ASIC2: variants seen among roughly 807,000 people sequenced by gnomAD.
The protein encoded by ASIC2 is acid-sensing ion channel 2.
A neutral mutation model predicts 57.3 loss-of-function variants in ASIC2; 25 were observed. The ratio of observed to expected loss-of-function variants is 0.44; its 90% CI spans 0.32 to 0.61. The LOEUF (loss-of-function observed/expected upper bound fraction) is 0.61, where lower values mean the gene tolerates loss of function less well. ASIC2 is among the 20% of genes least tolerant of loss of function. The probability of loss-of-function intolerance (pLI) is 0.06; values close to 1 mark genes in which losing one functional copy is unlikely to be tolerated. For missense variants in ASIC2, 641 were observed against 738.1 expected (o/e 0.87, Z 1.52); for synonymous variants, 319 against 307.5 (o/e 1.04, Z -0.39).
intron 1 of ASIC2, among the ~76,000 whole-genome samples, chr17:33,736,725 A>G (rs757284560): frequency 6.6e-6 from 1 of 152,216 alleles, no homozygotes; most frequent in Non-Finnish European, 1.5e-5. Flanking sequence ...CTCCGAGATC[A>G]TTAGGGAGTG....
At chr17:33,167,593 C>A (rs559111462) in intron 1 of ASIC2, among the ~76,000 whole-genome samples, 11 of 152,220 alleles carry the variant, frequency 7.2e-5, no homozygotes, top group African/African-American at 2.2e-4. Context: ...CTGCTGCTAC[C>A]CCTCTATTTA....
intron 1 of ASIC2, among the ~76,000 whole-genome samples, chr17:34,076,103 T>A (rs1275749982): frequency 6.6e-6 from 1 of 151,960 alleles, no homozygotes; most frequent in Non-Finnish European, 1.5e-5. Context: ...CCCGGGTTCA[T>A]GTCATTCTCC....
chr17:33,210,474 C>T (rs1023381631), intron 1 of ASIC2, among the ~76,000 whole-genome samples: 10 of 152,210 alleles, frequency 6.6e-5, no homozygotes, highest in African/African-American at 2.4e-4. Flanking sequence ...CTCTCATCCC[C>T]TCCACCCCCC....
chr17:34,074,843 T>A (rs925773018), intron 1 of ASIC2, among the ~76,000 whole-genome samples: 1 of 146,190 alleles, frequency 6.8e-6, no homozygotes, highest in African/African-American at 2.6e-5. Flanking sequence ...TGCAATGCAG[T>A]GACGCGATCT....
At chr17:33,415,514 G>A (rs1386328337) in intron 1 of ASIC2, among the ~76,000 whole-genome samples, 2 of 146,344 alleles carry the variant, frequency 1.4e-5, no homozygotes, top group African/African-American at 5.0e-5. Context: ...TTTCATTTGA[G>A]AGTCTTTGGA....
intron 1 of ASIC2, among the ~76,000 whole-genome samples, chr17:33,518,606 C>T (rs186445799): frequency 1.1e-4 from 16 of 152,336 alleles, no homozygotes; most frequent in East Asian, 7.7e-4. Flanking sequence ...TGATACACTA[C>T]TTATGAGGCT....
intron 1 of ASIC2, among the ~76,000 whole-genome samples, chr17:33,132,614 C>T (rs1039759732): frequency 6.6e-6 from 1 of 152,178 alleles, no homozygotes; most frequent in South Asian, 2.1e-4. Flanking sequence ...CGCTCATGCA[C>T]ACTTGCGACC....
chr17:33,069,846 T>C (rs1301168462), intron 3 of ASIC2, among the ~76,000 whole-genome samples: 3 of 152,244 alleles, frequency 2.0e-5, no homozygotes, highest in East Asian at 1.9e-4. Flanking sequence ...AATGTGATTA[T>C]TGATGTGTTA....
intron 1 of ASIC2, among the ~76,000 whole-genome samples, chr17:33,662,003 T>C (rs905716743): frequency 6.6e-6 from 1 of 152,224 alleles, no homozygotes; most frequent in East Asian, 1.9e-4. Flanking sequence ...GAGGGAAGAA[T>C]GAGACCATTC....
At chr17:33,042,950 C>T (rs921190776) in intron 3 of ASIC2, among the ~76,000 whole-genome samples, 24 of 150,670 alleles carry the variant, frequency 1.6e-4, no homozygotes, top group African/African-American at 4.2e-4. Context: ...TTTTTTGAGA[C>T]GGAGTCTCTT....
chr17:33,299,608 G>T (rs945495468), intron 1 of ASIC2, among the ~76,000 whole-genome samples: 1 of 151,976 alleles, frequency 6.6e-6, no homozygotes, highest in Non-Finnish European at 1.5e-5. Flanking sequence ...GATGCACCAA[G>T]TGGTTTTTTG....
At chr17:33,766,715 T>C (rs1567710256) in intron 1 of ASIC2, among the ~76,000 whole-genome samples, 1 of 152,202 alleles carries the variant, frequency 6.6e-6, no homozygotes, top group African/African-American at 2.4e-5. Flanking sequence ...AAAATAACAG[T>C]TAAAATGAAG....
At chr17:33,286,374 C>T (rs988621761) in intron 1 of ASIC2, among the ~76,000 whole-genome samples, 3 of 152,142 alleles carry the variant, frequency 2.0e-5, no homozygotes, top group Non-Finnish European at 4.4e-5. Context: ...GTTTGGGACA[C>T]AGATGAGGTC....
intron 1 of ASIC2, among the ~76,000 whole-genome samples, chr17:34,043,437 G>A (rs1361132795): frequency 1.3e-5 from 2 of 152,178 alleles, no homozygotes; most frequent in African/African-American, 4.8e-5. Flanking sequence ...GAGGTCTAAG[G>A]CTGTGTAGCC....
At chr17:33,236,926 C>G (rs1236305655) in intron 1 of ASIC2, among the ~76,000 whole-genome samples, 1 of 152,056 alleles carries the variant, frequency 6.6e-6, no homozygotes, top group Non-Finnish European at 1.5e-5. Flanking sequence ...ACTCCTGGCA[C>G]CAAAATGTGA....
chr17:33,849,050 C>T (rs1334484411), intron 1 of ASIC2, among the ~76,000 whole-genome samples: 2 of 152,156 alleles, frequency 1.3e-5, no homozygotes, highest in African/African-American at 4.8e-5. Context: ...GAAAATTGGC[C>T]TAATTTTTAC....
At chr17:33,211,539 A>AG (rs1907273827) in intron 1 of ASIC2, among the ~76,000 whole-genome samples, 1 of 140,140 alleles carries the variant, frequency 7.1e-6, no homozygotes, top group Non-Finnish European at 1.5e-5. Context: ...TTTAAATGAA[A>AG]AAAAAAAAAA....
intron 1 of ASIC2, among the ~76,000 whole-genome samples, chr17:33,500,709 T>A (rs1451651472): frequency 6.6e-6 from 1 of 152,258 alleles, no homozygotes; most frequent in Non-Finnish European, 1.5e-5. Flanking sequence ...ACTTATCCGA[T>A]GATAAAACAC....
At chr17:33,177,252 A>G (rs2142054935) in intron 1 of ASIC2, among the ~76,000 whole-genome samples, 2 of 152,340 alleles carry the variant, frequency 1.3e-5, no homozygotes, top group East Asian at 3.9e-4. Context: ...AAACCAAGGA[A>G]GAGTTTATGT....
Sources: allele counts gnomAD v4.1 joint callset (sites outside exome capture counted in the v4.1 genomes callset), GRCh38; gene constraint gnomAD v4.1.1; transcripts MANE v1.5; gene names NCBI Gene and HGNC (gene_info 2026-07-23, HGNC 2026-07-21).